The following NEBL variants were observed in gnomAD, a reference collection of about 807,000 sequenced individuals.
NEBL encodes the protein nebulette.
A neutral mutation model predicts 140.2 loss-of-function variants in NEBL; 122 were observed. The observed-to-expected ratio is 0.87, with a 90% CI of 0.75 to 1.01. The LOEUF (loss-of-function observed/expected upper bound fraction) is 1.01. NEBL is among the 50% of genes least tolerant of loss of function. The pLI is 0.00. For missense variants in NEBL, 1,365 were observed against 1,231.3 expected (o/e 1.11, Z -1.62); for synonymous variants, 436 against 398.9 (o/e 1.09, Z -1.11).
upstream of NEBL, chr10:21,174,523 C>A: frequency 6.6e-6 from 1 of 152,660 alleles, no homozygotes; most frequent in Non-Finnish European, 1.5e-5. Context: ...GTCCCTGGCA[C>A]CCAAATGTCG....
rs112774637 is a variant in NEBL, at chr10:20,817,391, T to C, written c.2148+209A>G. Among the ~76,000 whole-genome samples the C allele has an allele frequency of 4.2e-3, 645 of 152,036 alleles. 5 individuals carry two copies. Among genetic ancestry groups the C allele is most frequent in the African/African-American group, 0.015 (607 of 41,492 alleles). On this transcript the variant is annotated intron_variant, in intron 21 of 27. Coordinates refer to ENST00000377122, the MANE Select transcript of NEBL (RefSeq NM_006393.3). ...CAAAAAAACAAAAAGAAAAAAGTCA[T>C]CCTGATGAGTCACTGGGAACCCTGA... is the stretch of plus-strand genomic sequence containing the variant.
intron 27 of NEBL, 147 bp downstream of exon 27, chr10:20,787,055 A>G: frequency 2.6e-6 from 2 of 782,022 alleles, no homozygotes; most frequent in Admixed American, 2.0e-5. Flanking sequence ...GCTTCCTTCA[A>G]AAGAGTTGTA....
chr10:21,255,534 C>T (rs916570446), intron 1 of NEBL, among the ~76,000 whole-genome samples: 2 of 151,978 alleles, frequency 1.3e-5, no homozygotes, highest in African/African-American at 4.8e-5. Flanking sequence ...AATTTGGGTT[C>T]CTTCATTATA....
chr10:20,823,163 G>T, intron 19 of NEBL, 45 bp downstream of exon 19: 1 of 1,370,512 alleles, frequency 7.3e-7, no homozygotes, highest in South Asian at 1.2e-5. Flanking sequence ...ATTACGTGTT[G>T]ATATACAATA....
At position 20,844,550 on chromosome 10, in the gene NEBL, T is replaced by C. The variant is rs1477499834; in HGVS notation, c.1227+708A>G. Among the ~76,000 whole-genome samples the C allele has an allele frequency of 2.7e-4, 41 of 150,120 alleles. 1 individual carries two copies. Among genetic ancestry groups the C allele is most frequent in the Admixed American group, 2.7e-3 (40 of 15,032 alleles). ...AGCTTTTAAAGGTGGACTATAGACA[T>C]GATATTTTTAGTTTTAAGGTCTTAA... On this transcript the variant is annotated intron_variant, in intron 12 of 27. Transcript: ENST00000377122.
chr10:21,179,648 G>C (rs61851504), upstream of NEBL, among the ~76,000 whole-genome samples: 1 of 152,044 alleles, frequency 6.6e-6, no homozygotes, highest in Admixed American at 6.6e-5. Flanking sequence ...TTACTGTGCA[G>C]TGAGGCATTT....
At chr10:20,818,549 C>A (rs1044207940) in intron 20 of NEBL, among the ~76,000 whole-genome samples, 1 of 152,128 alleles carries the variant, frequency 6.6e-6, no homozygotes, top group Non-Finnish European at 1.5e-5. Context: ...TCTTAGAATG[C>A]CAGTCAAGCC....
chr10:21,170,022 A>G lies in NEBL; in HGVS notation c.164+2361T>C, dbSNP rs145987579. Among the ~76,000 whole-genome samples the G allele has an allele frequency of 4.5e-3, 683 of 152,292 alleles. 3 individuals are homozygous for G. The highest frequency in any genetic ancestry group is 0.015 in the African/African-American group (632 of 41,558). ...TCATCACTATCAAGTCAAAGTGCAA[A>G]ATAGCTCTTCCCAACTCATCCAGAA... On this transcript the variant is annotated intron_variant, in intron 2 of 6. Transcript: ENST00000417816.
At chr10:20,923,702 G>T (rs753638534) in intron 4 of NEBL, among the ~76,000 whole-genome samples, 11 of 51,618 alleles carry the variant, frequency 2.1e-4, no homozygotes, top group Non-Finnish European at 3.8e-4. Flanking sequence ...AAAAAGAAAT[G>T]GTTTCTTGAC....
At chr10:21,014,973 A>G (rs1307142052) in intron 3 of NEBL, among the ~76,000 whole-genome samples, 1 of 152,226 alleles carries the variant, frequency 6.6e-6, no homozygotes, top group Non-Finnish European at 1.5e-5. Context: ...AAGGTTCCAG[A>G]ATGATTTGCA....
At chr10:21,181,553 A>G (rs2132205475) in intron 3 of NEBL, among the ~76,000 whole-genome samples, 1 of 151,970 alleles carries the variant, frequency 6.6e-6, no homozygotes, top group African/African-American at 2.4e-5. Flanking sequence ...GAAAAAAACA[A>G]CCCCCTCTGT....
At chr10:21,110,590 G>C (rs1301559288) in intron 2 of NEBL, 1 of 225,250 alleles carries the variant, frequency 4.4e-6, no homozygotes, top group Admixed American at 5.9e-5. Flanking sequence ...AACTAGCCCT[G>C]GTGTGATTCT....
Position 20,863,940 on chromosome 10 carries a change from T to G in NEBL, c.685-4114A>C, listed in dbSNP as rs181755349. On this transcript the variant is annotated intron_variant, in intron 7 of 27. Transcript: ENST00000377122. ...TGATGAGGTTGGAGGAGGGAGTGCT[T>G]GCCAGGATGGGAGAATGGTAAATTC... Among the ~76,000 whole-genome samples the G allele has an allele frequency of 2.0e-5, 3 of 152,286 alleles. No individual in the cohort carries two copies. The East Asian group carries it at 5.8e-4, about 29-fold the overall frequency.
At chr10:20,980,655 T>A (rs1417886097) in intron 3 of NEBL, among the ~76,000 whole-genome samples, 5 of 152,270 alleles carry the variant, frequency 3.3e-5, no homozygotes, top group African/African-American at 1.2e-4. Context: ...AAGACCAGTG[T>A]GAAGGCAAAG....
At chr10:21,068,115 G>A (rs1835651680) in intron 2 of NEBL, among the ~76,000 whole-genome samples, 2 of 152,276 alleles carry the variant, frequency 1.3e-5, no homozygotes, top group South Asian at 4.1e-4. Context: ...AAAAGGCTAG[G>A]AGGTCAGCTC....
chr10:21,017,641 G>C (rs752153418), intron 3 of NEBL, among the ~76,000 whole-genome samples: 2 of 152,090 alleles, frequency 1.3e-5, no homozygotes, highest in African/African-American at 4.8e-5. Context: ...AACAATAAAT[G>C]CTTGCTCCTG....
At chr10:21,002,618 G>A (rs769184666) in intron 3 of NEBL, among the ~76,000 whole-genome samples, 81 of 152,182 alleles carry the variant, frequency 5.3e-4, no homozygotes, top group Non-Finnish European at 9.1e-4. Context: ...GGATGGAGAG[G>A]TCTCAGGAAA....
intron 1 of NEBL, among the ~76,000 whole-genome samples, chr10:21,264,944 T>C (rs937564840): frequency 9.2e-5 from 14 of 151,820 alleles, no homozygotes; most frequent in Non-Finnish European, 1.8e-4. Flanking sequence ...TATTTTTATT[T>C]TTATTTTTAT....
At chr10:21,285,915 A>G (rs982074731) in intron 1 of NEBL, among the ~76,000 whole-genome samples, 5 of 152,154 alleles carry the variant, frequency 3.3e-5, no homozygotes, top group Admixed American at 2.6e-4. Flanking sequence ...TGTGAGAGTT[A>G]AGTGCATCCA....
Sources: gnomAD v4.1 joint callset for allele counts (sites outside exome capture counted in the v4.1 genomes callset) on GRCh38, gnomAD v4.1.1 for gene constraint, MANE v1.5 for transcripts, NCBI Gene and HGNC (gene_info 2026-07-23, HGNC 2026-07-21) for gene names.